The following STK10 variants were observed in gnomAD, a reference collection of about 807,000 sequenced individuals.
The protein encoded by STK10 is serine/threonine kinase 10.
Under a neutral mutation model 113.8 loss-of-function variants are expected in STK10, and 78 were observed. The observed-to-expected ratio is 0.69, with a 90% CI of 0.57 to 0.83. The LOEUF is 0.83. STK10 is among the 40% of genes least tolerant of loss of function. The pLI is 0.00. For synonymous variants in STK10, 465 were observed against 494.7 expected (o/e 0.94, Z 0.80); for missense variants, 1,109 against 1,280.1 (o/e 0.87, Z 2.04).
chr5:172,044,676 T>G lies in STK10; in HGVS notation c.*206A>C. The G allele has an allele frequency of 1.4e-6, 1 of 714,218 alleles. No homozygotes were observed. The highest frequency in any genetic ancestry group is 2.3e-6 in the Non-Finnish European group (1 of 434,138). 44.2% of individuals were successfully genotyped at this position (714,218 alleles called of 1,614,324 possible). On this transcript the variant is annotated 3_prime_UTR_variant, in exon 19 of 19. Transcript: ENST00000176763. The surrounding 1 kb of genome is among the most constrained non-coding windows in gnomAD (Gnocchi z 4.5). ...ACATTAGGTTCAGGTGACAAATAAT[T>G]ACACCTCACCCTCCACAGGCCAGCA...
chr5:172,083,114 C>T, intron 10 of STK10, 30 bp from the exon 11 acceptor site: 1 of 1,612,080 alleles, frequency 6.2e-7, no homozygotes, highest in Non-Finnish European at 8.5e-7. Context: ...AGATATTTCA[C>T]AGTAAGAAAC....
chr5:172,178,725 ACT>A (rs1172015357), intron 1 of STK10, among the ~76,000 whole-genome samples: 1 of 151,926 alleles, frequency 6.6e-6, no homozygotes, highest in Non-Finnish European at 1.5e-5. Context: ...GAAAGACCCA[ACT>A]CTCTCATTGC....
chr5:172,167,111 G>A (rs2113829120), intron 1 of STK10, among the ~76,000 whole-genome samples: 1 of 150,672 alleles, frequency 6.6e-6, no homozygotes, highest in South Asian at 2.1e-4. Context: ...GGTGAGCTGA[G>A]ATCGTGCCAC....
rs1769173637 is a variant in STK10 at position 172,108,849 on chromosome 5, A to C, written c.521-997T>G. Among the ~76,000 whole-genome samples, 4 of 151,688 alleles carry C rather than the reference A, an allele frequency of 2.6e-5. No homozygotes were observed. In the South Asian group the frequency reaches 8.4e-4, roughly 32 times the overall value. On this transcript the variant is annotated intron_variant, in intron 4 of 18. Transcript: ENST00000176763. ...ACCCAGGCTGGAGTGCAGTGGCGCAATCTTGGCTCACTGTAACCTCCACCT... is the reference window on the plus strand; with the variant it reads ...ACCCAGGCTGGAGTGCAGTGGCGCACTCTTGGCTCACTGTAACCTCCACCT...
intron 2 of STK10, among the ~76,000 whole-genome samples, chr5:172,139,791 G>A (rs546801759): frequency 6.7e-6 from 1 of 149,918 alleles, no homozygotes; most frequent in East Asian, 2.0e-4. Context: ...AGAAATTAAA[G>A]ATGACACATA....
At chr5:172,060,143 T>C (rs562842195) in intron 14 of STK10, among the ~76,000 whole-genome samples, 3 of 152,188 alleles carry the variant, frequency 2.0e-5, no homozygotes, top group East Asian at 3.9e-4. Context: ...CACGTTGGCT[T>C]ATGCCTCTAA....
At chr5:172,059,051 G>A (rs924027446) in intron 14 of STK10, among the ~76,000 whole-genome samples, 86 of 149,222 alleles carry the variant, frequency 5.8e-4, no homozygotes, top group African/African-American at 1.9e-3. Context: ...GTGAGACCCC[G>A]TCTCTACTAA....
chr5:172,122,408 C>T (rs563455791), intron 3 of STK10, among the ~76,000 whole-genome samples: 3 of 152,086 alleles, frequency 2.0e-5, no homozygotes, highest in Admixed American at 6.6e-5. Context: ...ATAGTCTTGC[C>T]TTTTTCTAAA....
At chr5:172,061,867 A>G (rs1366881195) in intron 13 of STK10, among the ~76,000 whole-genome samples, 1 of 152,208 alleles carries the variant, frequency 6.6e-6, no homozygotes, top group African/African-American at 2.4e-5. Context: ...ATTTGATTAA[A>G]AAGAATACCT....
intron 3 of STK10, among the ~76,000 whole-genome samples, chr5:172,124,544 C>G (rs558180100): frequency 2.0e-5 from 3 of 152,284 alleles, no homozygotes; most frequent in South Asian, 2.1e-4. Context: ...CTGGGAACTC[C>G]ATGGGGCAGT....
At chr5:172,052,004 A>G (rs912596410) in intron 18 of STK10, among the ~76,000 whole-genome samples, 2 of 152,172 alleles carry the variant, frequency 1.3e-5, no homozygotes, top group Admixed American at 6.5e-5. Context: ...CCATTCAAAA[A>G]TGACCCCTGT....
Position 172,071,765 on chromosome 5 carries a change from C to T in STK10, c.1990-6953G>A, listed in dbSNP as rs188367775. 3.5e-3 allele frequency among the ~76,000 whole-genome samples: 528 copies of T among 152,294 alleles called. 16 individuals are homozygous for T. The highest frequency in any genetic ancestry group is 0.031 in the Admixed American group (469 of 15,284). ...CTGTCTCGTCCTTACAAGCAGCCCA[C>T]TCTGAATTCTCTCTCTCTCAGGGTG... On this transcript the variant is annotated intron_variant, in intron 12 of 18. Transcript: ENST00000176763.
intron 4 of STK10, among the ~76,000 whole-genome samples, chr5:172,108,931 T>C (rs760382672): frequency 1.3e-5 from 2 of 151,986 alleles, no homozygotes; most frequent in African/African-American, 2.4e-5. Context: ...ATTACAGGCA[T>C]GTGCCGACAT....
intron 7 of STK10, among the ~76,000 whole-genome samples, chr5:172,097,275 A>G (rs902767755): frequency 5.9e-5 from 9 of 152,194 alleles, no homozygotes; most frequent in Non-Finnish European, 1.2e-4. Context: ...CCTGACCTTA[A>G]GTGATCCACC....
intron 12 of STK10, among the ~76,000 whole-genome samples, chr5:172,081,253 AG>A (rs1372940486): frequency 6.6e-6 from 1 of 150,394 alleles, no homozygotes; most frequent in Admixed American, 6.7e-5. Context: ...CGGGAGGCTG[AG>A]GCAGAAGAAT....
At chr5:172,170,520 C>T (rs1453478138) in intron 1 of STK10, among the ~76,000 whole-genome samples, 1 of 152,150 alleles carries the variant, frequency 6.6e-6, no homozygotes, top group Non-Finnish European at 1.5e-5. Flanking sequence ...AGCAGAATGA[C>T]GTGGCTTTCA....
At chr5:172,128,533 G>A (rs1769678975) in intron 2 of STK10, among the ~76,000 whole-genome samples, 1 of 152,144 alleles carries the variant, frequency 6.6e-6, no homozygotes, top group South Asian at 2.1e-4. Flanking sequence ...GTTTCACCAT[G>A]TTGGCCAGGC....
intron 18 of STK10, among the ~76,000 whole-genome samples, chr5:172,045,712 C>G (rs1421461102): frequency 6.6e-6 from 1 of 151,960 alleles, no homozygotes; most frequent in Non-Finnish European, 1.5e-5. Flanking sequence ...TTTTTTGAGA[C>G]AGAGTTTTGC....
At chr5:172,180,572 C>T (rs939436986) in intron 1 of STK10, among the ~76,000 whole-genome samples, 3 of 152,026 alleles carry the variant, frequency 2.0e-5, no homozygotes, top group African/African-American at 7.2e-5. Context: ...AGGCGGATCA[C>T]TTGAGGTCAG....
Sources: gnomAD v4.1 joint callset for allele counts (sites outside exome capture counted in the v4.1 genomes callset) on GRCh38, gnomAD v4.1.1 for gene constraint, Gnocchi (gnomAD v3.1) non-coding constraint, MANE v1.5 for transcripts, NCBI Gene and HGNC (gene_info 2026-07-23, HGNC 2026-07-21) for gene names.